The following MBTD1 variants were observed in gnomAD, a reference collection of about 807,000 sequenced individuals.
MBTD1 encodes MBT domain-containing protein 1.
In MBTD1, 24 loss-of-function variants were observed where a neutral mutation model predicts 87.8. The ratio of observed to expected loss-of-function variants is 0.27; its 90% CI spans 0.20 to 0.38. The LOEUF is 0.38. Ranked by LOEUF, MBTD1 falls within the 10% of genes least tolerant of loss-of-function variation. MBTD1 has a pLI of 1.00. For missense variants in MBTD1, 436 were observed against 760.2 expected, an observed-to-expected ratio of 0.57 and a Z score of 5.02; for synonymous variants, 237 against 248.6, an observed-to-expected ratio of 0.95 and a Z score of 0.44.
At chr17:51,203,017 T>C (rs1322494516) in intron 9 of MBTD1, 82 bp from the exon 10 acceptor site, 1 of 1,264,580 alleles carries the variant, frequency 7.9e-7, no homozygotes, top group South Asian at 1.2e-5. Context: ...TAAAAAATAC[T>C]GAATGCACTT....
chr17:51,217,491 G>T (rs2143554155), intron 5 of MBTD1, 75 bp from the exon 6 acceptor site: 2 of 675,952 alleles, frequency 3.0e-6, no homozygotes, highest in Non-Finnish European at 4.8e-6. Context: ...TTGTTAAAAT[G>T]TGTGAAAGGA....
Position 51,193,457 on chromosome 17 carries a change from T to C in MBTD1, c.1426A>G (p.Ile476Val), listed in dbSNP as rs1200253472. Residue 476 changes from isoleucine to valine, a missense_variant, in exon 14 of 17, where the codon ATT becomes GTT. Around this residue, in one of 5 missense-constraint regions of MBTD1, gnomAD observed 80 missense variants for 182.2 expected, o/e 0.44. Coordinates refer to ENST00000586178, the MANE Select transcript of MBTD1 (RefSeq NM_017643.3). The stretch of plus-strand genomic sequence containing the variant: ...TTAAATAGTTTTACTGGTGCTGCAA[T>C]GGAGCCAGTTTCCCTGAGGTAGTCA... ...WFDYLRETGS[I>V]AAPVKLFNKD... 3 of 1,612,794 alleles carry C rather than the reference T, an allele frequency of 1.9e-6. No individual in the cohort carries two copies. The highest frequency in any genetic ancestry group is 2.2e-5 in the South Asian group (2 of 90,962).
At chr17:51,191,347 C>T (rs1403956522) in intron 16 of MBTD1, among the ~76,000 whole-genome samples, 6 of 151,402 alleles carry the variant, frequency 4.0e-5, no homozygotes, top group Admixed American at 6.6e-5. Flanking sequence ...CCTCAACCTC[C>T]GCCTCCTGGG....
chr17:51,243,170 T>C (rs1390558641), intron 2 of MBTD1, among the ~76,000 whole-genome samples: 1 of 152,202 alleles, frequency 6.6e-6, no homozygotes, highest in Non-Finnish European at 1.5e-5. Flanking sequence ...ATGTAATCAT[T>C]TGCACCAGCA....
intron 6 of MBTD1, among the ~76,000 whole-genome samples, chr17:51,216,622 C>G (rs571241216): frequency 1.8e-4 from 27 of 152,234 alleles, no homozygotes; most frequent in African/African-American, 6.0e-4. Context: ...GAAAAAAGAT[C>G]CTTCCTCTTC....
chr17:51,241,657 G>A (rs532904433), intron 2 of MBTD1, among the ~76,000 whole-genome samples: 8 of 152,152 alleles, frequency 5.3e-5, no homozygotes, highest in East Asian at 1.9e-4. Flanking sequence ...TCCACCTCCC[G>A]GGTTTAAGCA....
At position 51,195,222 on chromosome 17, in the gene MBTD1, G is replaced by A. The variant is rs1174731790; in HGVS notation, c.1364C>T (p.Pro455Leu). Residue 455 changes from proline to leucine, a missense_variant, in exon 13 of 17, where the codon CCA becomes CTA. Around this residue, in one of 5 missense-constraint regions of MBTD1, gnomAD observed 80 missense variants for 182.2 expected, o/e 0.44. Transcript: ENST00000586178. ...FCEINMIELT[P>L]PRGYTKLPFK... The stretch of plus-strand genomic sequence containing the variant: ...ATATTAGGATGAAGTACCTCTGGGT[G>A]GAGTAAGTTCAATCATGTTAATTTC... 1.2e-6 allele frequency: 2 copies of A among 1,611,596 alleles called. No homozygotes were observed. Among genetic ancestry groups the A allele is most frequent in the Non-Finnish European group, 1.7e-6 (2 of 1,179,234 alleles).
intron 7 of MBTD1, among the ~76,000 whole-genome samples, chr17:51,204,225 C>T (rs2051669493): frequency 6.6e-6 from 1 of 152,008 alleles, no homozygotes; most frequent in Non-Finnish European, 1.5e-5. Context: ...AGCATGGCAT[C>T]CTTACATGTA....
chr17:51,229,974 A>G (rs1258370845), intron 2 of MBTD1, among the ~76,000 whole-genome samples: 1 of 152,140 alleles, frequency 6.6e-6, no homozygotes, highest in African/African-American at 2.4e-5. Flanking sequence ...CTTTTTTAGT[A>G]CTGCCTTTTA....
At chr17:51,207,272 G>T (rs1318226087) in intron 6 of MBTD1, among the ~76,000 whole-genome samples, 1 of 152,098 alleles carries the variant, frequency 6.6e-6, no homozygotes, top group Non-Finnish European at 1.5e-5. Flanking sequence ...ATTTTTCTAT[G>T]AGTGGAATTA....
At chr17:51,226,116 G>A (rs2053201613) in intron 2 of MBTD1, among the ~76,000 whole-genome samples, 3 of 149,704 alleles carry the variant, frequency 2.0e-5, no homozygotes, top group East Asian at 4.1e-4. Context: ...TGGGATGATA[G>A]CTTGAGCCCA....
chr17:51,191,754 TG>T (rs2050824609), intron 16 of MBTD1: 1 of 157,028 alleles, frequency 6.4e-6, no homozygotes, highest in South Asian at 1.9e-4. Flanking sequence ...GCAGATTTTT[TG>T]TATTTTTGGT....
intron 16 of MBTD1, chr17:51,184,509 A>G (rs935257476): frequency 3.9e-5 from 6 of 152,332 alleles, no homozygotes; most frequent in African/African-American, 1.4e-4. Flanking sequence ...GAAAAATCAC[A>G]CCAAGTCCCA....
chr17:51,259,294 T>C (rs950065954), intron 1 of MBTD1, 88 bp from the exon 2 acceptor site: 2 of 1,225,202 alleles, frequency 1.6e-6, no homozygotes, highest in Admixed American at 4.2e-5. Context: ...TATGCAGCCT[T>C]GGAGGCTGCT....
chr17:51,260,704 A>G (rs2055429971), upstream of MBTD1: 3 of 1,603,890 alleles, frequency 1.9e-6, no homozygotes, highest in African/African-American at 1.3e-5. Flanking sequence ...GGCCTCCCCA[A>G]AAGCCTGCCC....
intron 2 of MBTD1, among the ~76,000 whole-genome samples, chr17:51,242,145 A>G (rs2054193730): frequency 6.6e-6 from 1 of 152,218 alleles, no homozygotes; most frequent in Non-Finnish European, 1.5e-5. Flanking sequence ...TAGGTATTCA[A>G]TGTACTTATT....
In MBTD1 at chr17:51,179,488, A is replaced by T. The variant is rs1312279164; in HGVS notation, c.*1088T>A. On this transcript the variant is annotated 3_prime_UTR_variant, in exon 17 of 17. Coordinates refer to ENST00000586178, the MANE Select transcript of MBTD1 (RefSeq NM_017643.3). ...TGAATACAATTAAAGACAATTTTAT[A>T]TATATATATATATATATATATATAT... The T allele has an allele frequency of 7.6e-4, 14 of 18,464 alleles. No homozygotes were observed. Among genetic ancestry groups the T allele is most frequent in the Middle Eastern group, 0.059 (2 of 34 alleles). 1.1% of individuals were successfully genotyped at this position (18,464 alleles called of 1,614,324 possible).
chr17:51,208,918 C>T (rs994697179), intron 6 of MBTD1, among the ~76,000 whole-genome samples: 1 of 151,940 alleles, frequency 6.6e-6, no homozygotes, highest in East Asian at 1.9e-4. Flanking sequence ...TGTTTTGGTC[C>T]CTACAGTCTG....
chr17:51,189,853 C>G (rs1049051172), intron 16 of MBTD1, among the ~76,000 whole-genome samples: 1 of 152,180 alleles, frequency 6.6e-6, no homozygotes, highest in Admixed American at 6.5e-5. Context: ...TACATGAGAA[C>G]TCCCTTTCAT....
Sources: allele counts gnomAD v4.1 joint callset (sites outside exome capture counted in the v4.1 genomes callset), GRCh38; gene constraint gnomAD v4.1.1; regional missense constraint gnomAD v4.1.1; transcripts MANE v1.5; gene names NCBI Gene and HGNC (gene_info 2026-07-23, HGNC 2026-07-21).